The following DNAH3 variants were observed in gnomAD, a reference collection of about 807,000 sequenced individuals.
DNAH3 encodes axonemal beta dynein heavy chain 3.
In DNAH3, 332 loss-of-function variants were observed where a neutral mutation model predicts 432.5. That is an observed-to-expected ratio of 0.77 (90% CI 0.70 to 0.84). The LOEUF is 0.84. Among genes scored for constraint, DNAH3 ranks in the 40% least tolerant of loss-of-function variants. The pLI is 0.00. For synonymous variants in DNAH3, 1,956 were observed against 1,900.2 expected (o/e 1.03, Z -0.76); for missense variants, 4,861 against 5,114.0 (o/e 0.95, Z 1.51).
chr16:21,097,328 T>C (rs2091711108), intron 18 of DNAH3, 27 bp downstream of exon 18: 2 of 1,612,528 alleles, frequency 1.2e-6, no homozygotes, highest in African/African-American at 1.3e-5. Flanking sequence ...TCCCCATCTG[T>C]CCCAGCAGAG....
chr16:21,127,215 G>A (rs2092461051), intron 8 of DNAH3, among the ~76,000 whole-genome samples: 2 of 151,854 alleles, frequency 1.3e-5, no homozygotes, highest in African/African-American at 4.8e-5. Context: ...CAAGAAGGCA[G>A]AGGGAGACCA....
intron 41 of DNAH3, among the ~76,000 whole-genome samples, chr16:21,005,222 T>A (rs555761830): frequency 1.3e-5 from 2 of 150,742 alleles, no homozygotes; most frequent in African/African-American, 4.9e-5. Flanking sequence ...TCCTTCTGTA[T>A]TTCCTTCCTT....
intron 40 of DNAH3, among the ~76,000 whole-genome samples, chr16:21,021,001 A>C (rs1469674933): frequency 6.6e-6 from 1 of 152,174 alleles, no homozygotes; most frequent in Non-Finnish European, 1.5e-5. Flanking sequence ...TCATTTTGTG[A>C]CTGGCTTATT....
intron 9 of DNAH3, among the ~76,000 whole-genome samples, chr16:21,123,695 G>A (rs931135211): frequency 3.9e-5 from 6 of 152,144 alleles, no homozygotes; most frequent in South Asian, 2.1e-4. Context: ...ATGTGCACAC[G>A]GCATAAAATT....
At chr16:20,981,978 T>C (rs943671865) in intron 49 of DNAH3, among the ~76,000 whole-genome samples, 8 of 145,148 alleles carry the variant, frequency 5.5e-5, no homozygotes, top group African/African-American at 2.1e-4. Flanking sequence ...TAATAAAGCA[T>C]ATATATAAAG....
intron 51 of DNAH3, 49 bp downstream of exon 51, chr16:20,975,184 C>G: frequency 6.3e-7 from 1 of 1,599,084 alleles, no homozygotes; most frequent in Non-Finnish European, 8.5e-7. Context: ...GGTATAACCA[C>G]GCTCATTCGG....
intron 1 of DNAH3, among the ~76,000 whole-genome samples, chr16:21,147,940 G>A (rs1296935036): frequency 6.6e-6 from 1 of 152,208 alleles, no homozygotes; most frequent in Admixed American, 6.5e-5. Flanking sequence ...TTATTGAGAG[G>A]TGCTGCCGTT....
intron 55 of DNAH3, among the ~76,000 whole-genome samples, chr16:20,954,114 T>C (rs371544790): frequency 1.3e-5 from 2 of 150,170 alleles, no homozygotes; most frequent in Admixed American, 6.6e-5. Flanking sequence ...TTCCAGCTAC[T>C]GGGGAGGCTG....
chr16:21,025,584 T>C (rs2088508193), intron 38 of DNAH3, among the ~76,000 whole-genome samples: 1 of 150,786 alleles, frequency 6.6e-6, no homozygotes, highest in African/African-American at 2.4e-5. Flanking sequence ...CTGTGTTCTA[T>C]ATAATATTGC....
intron 14 of DNAH3, 33 bp from the exon 15 acceptor site, chr16:21,106,707 TCATCATCAC>T (rs2091955443): frequency 4.2e-6 from 6 of 1,426,496 alleles, no homozygotes; most frequent in Non-Finnish European, 4.7e-6. Context: ...GTTATCATCA[TCATCATCAC>T]CATCATCACC....
At chr16:21,126,186 A>AACAAC (rs36054726) in intron 8 of DNAH3, among the ~76,000 whole-genome samples, 1 of 151,826 alleles carries the variant, frequency 6.6e-6, no homozygotes, top group African/African-American at 2.4e-5. Context: ...AAACAACAAC[A>AACAAC]AACAAACAAA....
At chr16:21,032,324 A>G (rs952414267) in intron 36 of DNAH3, among the ~76,000 whole-genome samples, 1 of 152,206 alleles carries the variant, frequency 6.6e-6, no homozygotes, top group South Asian at 2.1e-4. Context: ...TTTGGCCCCG[A>G]AATCGTTCTT....
chr16:21,055,515 T>C (rs1030895370), intron 27 of DNAH3, among the ~76,000 whole-genome samples: 5 of 152,208 alleles, frequency 3.3e-5, no homozygotes, highest in Non-Finnish European at 4.4e-5. Flanking sequence ...GAAAGATATA[T>C]GGAAATTCTT....
chr16:21,005,856 G>A (rs1440394555), intron 41 of DNAH3, among the ~76,000 whole-genome samples: 1 of 60,560 alleles, frequency 1.7e-5, no homozygotes, highest in South Asian at 4.4e-4. Context: ...TTTTTTTTTT[G>A]CATTTTAAAT....
At chr16:20,967,456 G>C (rs1390698568) in intron 52 of DNAH3, among the ~76,000 whole-genome samples, 2 of 146,962 alleles carry the variant, frequency 1.4e-5, no homozygotes, top group Admixed American at 6.8e-5. Context: ...CAGACCAATG[G>C]AATGAGACTC....
At chr16:21,065,985 C>A (rs752127284) in intron 24 of DNAH3, among the ~76,000 whole-genome samples, 1 of 151,960 alleles carries the variant, frequency 6.6e-6, no homozygotes, top group East Asian at 1.9e-4. Context: ...CCCCACCACA[C>A]CTGGCTAATT....
chr16:21,098,293 G>C (rs1482026560), intron 17 of DNAH3, among the ~76,000 whole-genome samples: 1 of 151,906 alleles, frequency 6.6e-6, no homozygotes, highest in African/African-American at 2.4e-5. Flanking sequence ...CAAAAAATGA[G>C]CTGGGCATGG....
At position 20,950,714 on chromosome 16, in the gene DNAH3, A is replaced by T. The variant is rs192810944; in HGVS notation, c.11188+1719T>A. ...GGTGTTTTAATTAAGCTGCATTTTG[A>T]CCTTCAGCCATGATATTCCATTCAT... On this transcript the variant is annotated intron_variant, in intron 56 of 61. Transcript: ENST00000261383. 2.0e-5 allele frequency among the ~76,000 whole-genome samples: 3 copies of T among 152,248 alleles called. No individual in the cohort carries two copies. In the East Asian group the frequency reaches 5.8e-4, roughly 29 times the overall value.
At chr16:20,992,720 G>T (rs1359883155) in intron 44 of DNAH3, among the ~76,000 whole-genome samples, 1 of 152,130 alleles carries the variant, frequency 6.6e-6, no homozygotes, top group East Asian at 1.9e-4. Context: ...GCAGGAAATT[G>T]GATTTCAAGA....
Sources: allele counts gnomAD v4.1 joint callset (sites outside exome capture counted in the v4.1 genomes callset), GRCh38; gene constraint gnomAD v4.1.1; transcripts MANE v1.5; gene names NCBI Gene and HGNC (gene_info 2026-07-23, HGNC 2026-07-21).